The following SEZ6 variants were observed in gnomAD, a reference collection of about 807,000 sequenced individuals.
SEZ6 encodes the protein seizure related 6 homolog, also known as seizure protein 6 homolog.
SEZ6 carries 53 observed loss-of-function variants against 101.0 expected under a neutral mutation model. That is an observed-to-expected ratio of 0.52 (90% CI 0.42 to 0.66). The LOEUF is 0.66. SEZ6 is among the 30% of genes least tolerant of loss of function. The probability of loss-of-function intolerance (pLI) is 0.00; values close to 1 mark genes in which losing one functional copy is unlikely to be tolerated. For synonymous variants in SEZ6, 488 were observed against 512.2 expected, an observed-to-expected ratio of 0.95 and a Z score of 0.64; for missense variants, 1,102 against 1,289.4, an observed-to-expected ratio of 0.85 and a Z score of 2.23.
intron 1 of SEZ6, among the ~76,000 whole-genome samples, chr17:29,001,632 A>G (rs1010650123): frequency 6.6e-6 from 1 of 152,244 alleles, no homozygotes; most frequent in Non-Finnish European, 1.5e-5. Flanking sequence ...AAAGCTGTTG[A>G]GAACTTGGTT....
chr17:28,956,000 G>T lies in SEZ6; in HGVS notation c.2953-6C>A. On this transcript the variant is annotated splice_polypyrimidine_tract_variant and splice_region_variant and intron_variant, in intron 16 of 16. Transcript: ENST00000317338. ...TCTCCTGCAAAGGAAAGAGACTGCT[G>T]GGAGTTGGAAACTTGTATTAGGTTT... 6 of 1,612,674 alleles carry T rather than the reference G, an allele frequency of 3.7e-6. No individual in the cohort carries two copies. The highest frequency in any genetic ancestry group is 4.2e-6 in the Non-Finnish European group (5 of 1,179,360).
At position 28,956,228 on chromosome 17, in the gene SEZ6, G is replaced by T; in HGVS notation, c.2883C>A (p.Arg961=). Residue 961 remains arginine, a synonymous_variant, in exon 16 of 17, where the codon CGC becomes CGA. Coordinates refer to ENST00000317338, the MANE Select transcript of SEZ6 (RefSeq NM_178860.5). ...TGCGGTTGTAGGGGCGGGGGCGGGG[G>T]CGGGGCAGCTGCAGGGAGCTTTTTC... is the stretch of plus-strand genomic sequence containing the variant. ...LQGKSSLQLP[R]PRPRPYNRIT... is the part of the protein sequence containing the mutation. 5.8e-6 allele frequency: 3 copies of T among 518,720 alleles called. No individual in the cohort carries two copies. Among genetic ancestry groups the T allele is most frequent in the Non-Finnish European group, 7.6e-6 (2 of 262,192 alleles). The allele number at this position is 518,720 out of a possible 1,614,324, so 32.1% of individuals were successfully genotyped here. A position where few individuals can be genotyped will look rare whatever the true frequency, so the allele number is the denominator to read the frequency against.
intron 1 of SEZ6, among the ~76,000 whole-genome samples, chr17:28,991,571 G>C (rs562630678): frequency 2.0e-5 from 3 of 152,252 alleles, no homozygotes; most frequent in Middle Eastern, 6.8e-3. Flanking sequence ...ATCCCTACCT[G>C]ACTTCTCAGC....
Position 28,959,305 on chromosome 17 carries a change from TGGCTC to T in SEZ6, c.1910+24_1910+28del, listed in dbSNP as rs747043995. ...AGGGATATCCCCAGACCTCAGGAGT[TGGCTC>T]GGCCTGACCCGGTAGGCACTCACAC... On this transcript the variant is annotated intron_variant, in intron 9 of 16. Coordinates refer to ENST00000317338, the MANE Select transcript of SEZ6 (RefSeq NM_178860.5). The surrounding 1 kb of genome is among the most constrained non-coding windows in gnomAD (Gnocchi z 4.4). 4 of 1,613,826 alleles carry T rather than the reference TGGCTC, an allele frequency of 2.5e-6. No homozygotes were observed. The African/African-American group carries it at 4.0e-5, about 16-fold the overall frequency.
In SEZ6 at chr17:29,000,237, G is replaced by T. The variant is rs114633333; in HGVS notation, c.55+5578C>A. Among the ~76,000 whole-genome samples, 204 of 152,306 alleles carry T rather than the reference G, an allele frequency of 1.3e-3. 1 individual carries two copies. The highest frequency in any genetic ancestry group is 0.01 in the Middle Eastern group (3 of 294). ...CTGTAGTGAAGCTCTCCCCTATGCCGGGAAAGTGGACATAGTGCTAGCTGA... is the reference window on the plus strand; with the variant it reads ...CTGTAGTGAAGCTCTCCCCTATGCCTGGAAAGTGGACATAGTGCTAGCTGA... On this transcript the variant is annotated intron_variant, in intron 1 of 16. Transcript: ENST00000317338.
At chr17:28,956,091 G>T (rs2040873431) in intron 16 of SEZ6, 68 bp downstream of exon 16, 1 of 1,592,418 alleles carries the variant, frequency 6.3e-7, no homozygotes. Flanking sequence ...GGACCCTCAG[G>T]GTTATCTGCC....
At chr17:28,973,922 GCTGT>G (rs1420157306) in intron 3 of SEZ6, among the ~76,000 whole-genome samples, 1 of 152,192 alleles carries the variant, frequency 6.6e-6, no homozygotes, top group East Asian at 1.9e-4. Flanking sequence ...AGGACCCTGG[GCTGT>G]CTAACACTGC....
At chr17:29,004,388 C>A (rs920386101) in intron 1 of SEZ6, among the ~76,000 whole-genome samples, 1 of 152,160 alleles carries the variant, frequency 6.6e-6, no homozygotes, top group African/African-American at 2.4e-5. Flanking sequence ...TGGGGTGGGT[C>A]TTGCAGGACT....
chr17:28,957,472 G>A lies in SEZ6; in HGVS notation c.2370C>T (p.Pro790=), dbSNP rs767785606. The A allele has an allele frequency of 1.2e-5, 19 of 1,613,850 alleles. No individual in the cohort carries two copies. The highest frequency in any genetic ancestry group is 3.3e-4 in the Middle Eastern group (2 of 6,082). Residue 790 remains proline (P), a synonymous_variant, in exon 12 of 17, where the codon CCC becomes CCT. Transcript: ENST00000317338. The stretch of plus-strand genomic sequence containing the variant: ...AGATATATTGCACGGTGGCCCCCAC[G>A]GGAAACTTGGGGCTGGATATGAGGC... The part of the protein sequence containing the change: ...SRRLISSPKF[P]VGATVQYICD...
chr17:28,963,577 C>T (rs1024705491), intron 5 of SEZ6, among the ~76,000 whole-genome samples: 4 of 152,184 alleles, frequency 2.6e-5, no homozygotes, highest in Non-Finnish European at 5.9e-5. Context: ...ACCTGCAGTG[C>T]CTCCTCCCCT....
chr17:28,988,104 C>T (rs187145726), intron 1 of SEZ6, among the ~76,000 whole-genome samples: 1 of 152,222 alleles, frequency 6.6e-6, no homozygotes, highest in African/African-American at 2.4e-5. Flanking sequence ...AACTTCTCAT[C>T]GTCAGAACAG....
rs1470219912 is a variant in SEZ6, at chr17:28,960,810, A to G, written c.1404T>C (p.Asp468=). Residue 468 remains aspartate, a synonymous_variant, in exon 6 of 17, where the codon GAT becomes GAC. Transcript: ENST00000317338. ...HFEKVSLAED[D]DRLIIRNGDN... is the part of the protein sequence containing the mutation. ...CCACTAGGACAGCCCCTCACCTGTC[A>G]TCATCCTCTGCCAGGGAAACCTTCT... The G allele has an allele frequency of 2.5e-6, 4 of 1,613,892 alleles. No individual in the cohort carries two copies. The highest frequency in any genetic ancestry group is 4.5e-5 in the East Asian group (2 of 44,866).
At position 28,994,599 on chromosome 17, in the gene SEZ6, C is replaced by T. The variant is rs536394638; in HGVS notation, c.55+11216G>A. ...AATTTTTTGTATTTTTTAGTAGAGA[C>T]GGGGTTTCACCGTGTTAGCCAGGAT... On this transcript the variant is annotated intron_variant, in intron 1 of 16. Transcript: ENST00000317338. 2.4e-4 allele frequency among the ~76,000 whole-genome samples: 37 copies of T among 152,124 alleles called. No homozygotes were observed. In the South Asian group the frequency reaches 6.0e-3, roughly 25 times the overall value.
At chr17:28,990,148 G>A (rs2041664455) in intron 1 of SEZ6, among the ~76,000 whole-genome samples, 1 of 152,194 alleles carries the variant, frequency 6.6e-6, no homozygotes, top group Non-Finnish European at 1.5e-5. Context: ...ATTCTGCTGA[G>A]ATGTAGGCAT....
chr17:28,991,907 T>G (rs1450694083), intron 1 of SEZ6, among the ~76,000 whole-genome samples: 1 of 152,096 alleles, frequency 6.6e-6, no homozygotes, highest in African/African-American at 2.4e-5. Context: ...TTAGGAGGAT[T>G]TTATGGGTGG....
intron 3 of SEZ6, among the ~76,000 whole-genome samples, chr17:28,970,926 C>T (rs1381145468): frequency 1.3e-5 from 2 of 152,192 alleles, no homozygotes; most frequent in African/African-American, 4.8e-5. Context: ...GTGATTCTCT[C>T]TTTTTTCTGA....
rs1598179302 is a variant in SEZ6 at position 28,959,733 on chromosome 17, T to G, written c.1736A>C (p.Asp579Ala). 1 of 1,606,304 alleles carries G rather than the reference T, an allele frequency of 6.2e-7. No individual in the cohort carries two copies. Among genetic ancestry groups the G allele is most frequent in the Non-Finnish European group, 8.5e-7 (1 of 1,175,536 alleles). The part of the protein sequence containing the change: ...SIIIECVDPH[D>A]PQWNETEPAC... ...TGGCTCTGTCTCATTCCACTGGGGG[T>G]CGTGGGGGTCAACACACTCGATGAT... The change falls in exon 8 of 17, where the codon GAC becomes GCC. Residue 579 changes from aspartate to alanine, a missense_variant. By Grantham distance (126) the Asp-to-Ala change is moderately radical (BLOSUM62 -2). Coordinates refer to ENST00000317338, the MANE Select transcript of SEZ6 (RefSeq NM_178860.5). The surrounding 1 kb of genome is among the most constrained non-coding windows in gnomAD (Gnocchi z 4.4).
chr17:28,998,015 G>A (rs2041565789), intron 1 of SEZ6, among the ~76,000 whole-genome samples: 1 of 151,774 alleles, frequency 6.6e-6, no homozygotes, highest in Non-Finnish European at 1.5e-5. Context: ...TGGGACCCAG[G>A]CCAGACACTC....
At chr17:28,978,409 C>T (rs2041254912) in intron 3 of SEZ6, among the ~76,000 whole-genome samples, 1 of 152,198 alleles carries the variant, frequency 6.6e-6, no homozygotes, top group Admixed American at 6.5e-5. Context: ...AGGTGGACAG[C>T]TGTAAACAGT....
Sources: gnomAD v4.1 joint callset for allele counts (sites outside exome capture counted in the v4.1 genomes callset) on GRCh38, gnomAD v4.1.1 for gene constraint, Gnocchi (gnomAD v3.1) non-coding constraint, MANE v1.5 for transcripts, NCBI Gene and HGNC (gene_info 2026-07-23, HGNC 2026-07-21) for gene names.